The following PTPRE variants were observed in gnomAD, a reference collection of about 807,000 sequenced individuals.
PTPRE encodes the protein receptor-type tyrosine-protein phosphatase epsilon.
PTPRE carries 51 observed loss-of-function variants against 102.0 expected under a neutral mutation model. The ratio of observed to expected loss-of-function variants is 0.50; its 90% CI spans 0.40 to 0.63. PTPRE has a LOEUF of 0.63. PTPRE is among the 30% of genes least tolerant of loss of function. PTPRE has a pLI of 0.00. For missense variants in PTPRE, 752 were observed against 915.1 expected (o/e 0.82, Z 2.30); for synonymous variants, 345 against 348.2 (o/e 0.99, Z 0.10).
chr10:127,985,156 G>A (rs1207442373), intron 2 of PTPRE, among the ~76,000 whole-genome samples: 1 of 152,260 alleles, frequency 6.6e-6, no homozygotes, highest in African/African-American at 2.4e-5. Context: ...GCAGCTGACT[G>A]CAGAGGAACC....
At chr10:128,030,813 C>A (rs537055008) in intron 2 of PTPRE, among the ~76,000 whole-genome samples, 34 of 152,296 alleles carry the variant, frequency 2.2e-4, no homozygotes, top group Admixed American at 1.2e-3. Context: ...CTGTCCCCTG[C>A]AGGCCTCCCT....
Position 128,010,561 on chromosome 10 carries a change from C to A in PTPRE, c.-8+28265C>A, listed in dbSNP as rs529271422. ...AACCCTGTTCCTTTTCTTTTCTTTT[C>A]TTTTCTTTTCTTTTCTTTTCTTTTC... On this transcript the variant is annotated intron_variant, in intron 2 of 20. Transcript: ENST00000254667. 5.7e-5 allele frequency among the ~76,000 whole-genome samples: 8 copies of A among 140,278 alleles called. No homozygotes were observed. In the East Asian group the frequency reaches 1.6e-3, roughly 29 times the overall value. 92.0% of individuals were successfully genotyped at this position (140,278 alleles called of 152,430 possible).
At chr10:127,959,293 G>T (rs970402751) in intron 1 of PTPRE, among the ~76,000 whole-genome samples, 2 of 152,176 alleles carry the variant, frequency 1.3e-5, no homozygotes, top group African/African-American at 4.8e-5. Context: ...TTTCCTAAAA[G>T]CTTACCCAGT....
intron 2 of PTPRE, among the ~76,000 whole-genome samples, chr10:128,027,799 C>G: frequency 6.6e-6 from 1 of 152,316 alleles, no homozygotes; most frequent in East Asian, 1.9e-4. Context: ...CCAAAAGATC[C>G]TGGATAAATG....
At chr10:128,025,558 C>T (rs1846232594) in intron 2 of PTPRE, among the ~76,000 whole-genome samples, 1 of 152,198 alleles carries the variant, frequency 6.6e-6, no homozygotes, top group Non-Finnish European at 1.5e-5. Flanking sequence ...GCGTCAGAGC[C>T]GGACCCTGTG....
At chr10:128,077,930 C>A in intron 19 of PTPRE, 147 bp downstream of exon 19, 1 of 827,620 alleles carries the variant, frequency 1.2e-6, no homozygotes, top group South Asian at 2.0e-5. Flanking sequence ...TACACACATG[C>A]ACACACGACT....
rs115517974 is a variant in PTPRE at position 127,912,266 on chromosome 10, T to C, written c.-31+4957T>C. On this transcript the variant is annotated intron_variant, in intron 1 of 20. Transcript: ENST00000254667. Reference sequence around the variant, plus strand: ...TGTATGAATACTTCAGAGGCTTTGATTGAGCTTAAGAAATACAAATTCTTA... The same window carrying C: ...TGTATGAATACTTCAGAGGCTTTGACTGAGCTTAAGAAATACAAATTCTTA... 2.8e-3 allele frequency among the ~76,000 whole-genome samples: 432 copies of C among 152,350 alleles called. 3 individuals carry two copies. The highest frequency in any genetic ancestry group is 9.8e-3 in the African/African-American group (409 of 41,584).
chr10:128,046,304 C>G (rs1036403893), intron 3 of PTPRE, among the ~76,000 whole-genome samples: 3 of 152,262 alleles, frequency 2.0e-5, no homozygotes, highest in Admixed American at 1.3e-4. Context: ...TCCCAGTGCC[C>G]GGAGCACCCT....
At chr10:128,050,870 G>A (rs1345114562) in intron 6 of PTPRE, among the ~76,000 whole-genome samples, 4 of 152,234 alleles carry the variant, frequency 2.6e-5, no homozygotes, top group Non-Finnish European at 5.9e-5. Context: ...GCAGAAATGA[G>A]ACTTTACCCA....
chr10:127,999,959 T>C, intron 2 of PTPRE: 1 of 985,406 alleles, frequency 1.0e-6, no homozygotes, highest in South Asian at 4.7e-5. Context: ...AACGCGGTGC[T>C]CTGTAAGTAT....
At chr10:128,066,382 C>T (rs534800152) in intron 11 of PTPRE, among the ~76,000 whole-genome samples, 188 bp downstream of exon 11, 7 of 152,328 alleles carry the variant, frequency 4.6e-5, no homozygotes, top group African/African-American at 9.6e-5. Flanking sequence ...CACCAGAGGC[C>T]GGTGCACAAG....
chr10:128,079,438 A>C lies in PTPRE; in HGVS notation c.1893-122A>C. 3 of 1,326,440 alleles carry C rather than the reference A, an allele frequency of 2.3e-6. No individual in the cohort carries two copies. The Admixed American group carries it at 7.2e-5, about 32-fold the overall frequency. 82.2% of individuals were successfully genotyped at this position (1,326,440 alleles called of 1,614,324 possible). On this transcript the variant is annotated intron_variant, in intron 19 of 20. Transcript: ENST00000254667. Reference sequence around the variant, plus strand: ...AATGATCAAAAAAAAATTCAGTCAAACTCAGATCATTTTCAGCGATTGTTG... The same window carrying C: ...AATGATCAAAAAAAAATTCAGTCAACCTCAGATCATTTTCAGCGATTGTTG...
chr10:128,051,853 TG>T (rs1410236208), intron 6 of PTPRE, among the ~76,000 whole-genome samples: 5 of 152,240 alleles, frequency 3.3e-5, no homozygotes, highest in African/African-American at 1.2e-4. Context: ...GCTGCTTTTT[TG>T]TCATATTTTT....
intron 2 of PTPRE, among the ~76,000 whole-genome samples, chr10:128,002,206 T>C (rs941212600): frequency 1.3e-5 from 2 of 152,012 alleles, no homozygotes; most frequent in African/African-American, 4.8e-5. Flanking sequence ...TCAGCATGAG[T>C]ATGTGCATAT....
At chr10:127,913,419 T>C (rs1281844555) in intron 1 of PTPRE, among the ~76,000 whole-genome samples, 1 of 152,252 alleles carries the variant, frequency 6.6e-6, no homozygotes, top group Non-Finnish European at 1.5e-5. Context: ...GAAAATTAGT[T>C]CCATCTTTCT....
rs377601559 is a variant in PTPRE, at chr10:128,059,977, G to A, written c.512-962G>A. On this transcript the variant is annotated intron_variant, in intron 7 of 20. Transcript: ENST00000254667. ...ACAACACACACACTACACACCCACCGCACATAACGCACACACATACACACT... is the reference window on the plus strand; with the variant it reads ...ACAACACACACACTACACACCCACCACACATAACGCACACACATACACACT... 3.5e-3 allele frequency among the ~76,000 whole-genome samples: 478 copies of A among 137,508 alleles called. 1 individual carries two copies. Among genetic ancestry groups the A allele is most frequent in the African/African-American group, 0.012 (446 of 36,202 alleles). 90.2% of individuals were successfully genotyped at this position (137,508 alleles called of 152,430 possible). A position where few individuals can be genotyped will look rare whatever the true frequency, so the allele number is the denominator to read the frequency against.
At chr10:127,928,721 C>T (rs940501500) in intron 1 of PTPRE, among the ~76,000 whole-genome samples, 1 of 152,210 alleles carries the variant, frequency 6.6e-6, no homozygotes, top group Admixed American at 6.5e-5. Flanking sequence ...AAATTTATAT[C>T]TACCTTCCAA....
At chr10:127,960,027 A>G (rs1369639699) in intron 1 of PTPRE, among the ~76,000 whole-genome samples, 1 of 152,238 alleles carries the variant, frequency 6.6e-6, no homozygotes, top group Non-Finnish European at 1.5e-5. Context: ...AAGCTAGGAC[A>G]GATGCAGATT....
intron 1 of PTPRE, among the ~76,000 whole-genome samples, chr10:127,913,171 GC>G (rs1232627366): frequency 1.3e-5 from 2 of 152,300 alleles, no homozygotes; most frequent in East Asian, 3.9e-4. Flanking sequence ...CAGAGGCCTG[GC>G]CCCATGATCA....
Sources: gnomAD v4.1 joint callset for allele counts (sites outside exome capture counted in the v4.1 genomes callset) on GRCh38, gnomAD v4.1.1 for gene constraint, MANE v1.5 for transcripts, NCBI Gene and HGNC (gene_info 2026-07-23, HGNC 2026-07-21) for gene names.